PDE1A: variants seen among roughly 807,000 people sequenced by gnomAD.
The protein encoded by PDE1A is phosphodiesterase 1A.
A neutral mutation model predicts 61.7 loss-of-function variants in PDE1A; 35 were observed. That is an observed-to-expected ratio of 0.57 (90% CI 0.43 to 0.75). The LOEUF (loss-of-function observed/expected upper bound fraction) is 0.75, where lower values mean the gene tolerates loss of function less well. PDE1A is among the 30% of genes least tolerant of loss of function. The probability of loss-of-function intolerance (pLI) is 0.00; values close to 1 mark genes in which losing one functional copy is unlikely to be tolerated. For synonymous variants in PDE1A, 232 were observed against 213.2 expected (o/e 1.09, Z -0.77); for missense variants, 597 against 630.6 (o/e 0.95, Z 0.57).
the PDE1A span, among the ~76,000 whole-genome samples, chr2:182,704,210 G>GGA: frequency 1.8e-5 from 1 of 54,488 alleles, no homozygotes; most frequent in Admixed American, 2.4e-4. Flanking sequence ...CACTCCGTCT[G>GGA]GAAAAAAAAA....
At chr2:182,409,166 T>A (rs557810912) in intron 1 of PDE1A, among the ~76,000 whole-genome samples, 1 of 152,226 alleles carries the variant, frequency 6.6e-6, no homozygotes, top group South Asian at 2.1e-4. Context: ...TCCTTTTACA[T>A]GCTTTTCCTT....
In PDE1A at chr2:182,236,712, T is replaced by C. The variant is rs73046077; in HGVS notation, c.351-2214A>G. On this transcript the variant is annotated intron_variant, in intron 3 of 13. Transcript: ENST00000351439. ...ATTATTTTAACTGTTCTCATTACTTTGCAGCCAATATCATTGGTTCAAAAT... is the reference window on the plus strand; with the variant it reads ...ATTATTTTAACTGTTCTCATTACTTCGCAGCCAATATCATTGGTTCAAAAT... 7.0e-3 allele frequency among the ~76,000 whole-genome samples: 1,071 copies of C among 152,316 alleles called. 10 individuals are homozygous for C. Among genetic ancestry groups the C allele is most frequent in the African/African-American group, 0.024 (984 of 41,568 alleles).
At chr2:182,436,067 G>C (rs1345964525) in intron 2 of PDE1A, among the ~76,000 whole-genome samples, 1 of 152,018 alleles carries the variant, frequency 6.6e-6, no homozygotes, top group Non-Finnish European at 1.5e-5. Flanking sequence ...GTAAGGTTCT[G>C]TGTAAATAAT....
chr2:182,346,551 A>C (rs1022388483), intron 1 of PDE1A, among the ~76,000 whole-genome samples: 5 of 152,164 alleles, frequency 3.3e-5, no homozygotes, highest in African/African-American at 1.2e-4. Flanking sequence ...TAAAAGAATA[A>C]TACATGTAAT....
chr2:182,523,780 A>G (rs1427856926), upstream of PDE1A, among the ~76,000 whole-genome samples: 1 of 152,198 alleles, frequency 6.6e-6, no homozygotes, highest in African/African-American at 2.4e-5. Context: ...AAACAGAGAC[A>G]TTCTCCAGAT....
Position 182,459,085 on chromosome 2 carries a change from GT to G in PDE1A, c.101+63190del, listed in dbSNP as rs372241989. Among the ~76,000 whole-genome samples, 80 of 152,014 alleles carry G rather than the reference GT, an allele frequency of 5.3e-4. No individual in the cohort carries two copies. The East Asian group carries it at 9.1e-3, about 17-fold the overall frequency. On this transcript the variant is annotated intron_variant, in intron 2 of 14. Transcript: ENST00000410103. ...GTATTTTATGATTTTAATACATTTG[GT>G]TTATCACAATTTTTATTCATCTCTA... is the stretch of plus-strand genomic sequence containing the variant.
the PDE1A span, among the ~76,000 whole-genome samples, chr2:182,620,197 T>C: frequency 3.3e-5 from 5 of 152,302 alleles, no homozygotes; most frequent in Middle Eastern, 3.4e-3. Flanking sequence ...ATTTAATAAA[T>C]AACAATTAAT....
chr2:182,145,670 A>G (rs1690457843), downstream of PDE1A, among the ~76,000 whole-genome samples: 1 of 152,144 alleles, frequency 6.6e-6, no homozygotes, highest in Admixed American at 6.5e-5. Flanking sequence ...CAGAGGTTGC[A>G]GTGAGCTGAG....
chr2:182,426,654 T>G (rs113914360), exon 1 of PDE1A: 33 of 1,612,440 alleles, frequency 2.0e-5, no homozygotes, highest in Middle Eastern at 3.3e-4. Flanking sequence ...TTTAACTTCT[T>G]CCTGGAAACC....
the PDE1A span, among the ~76,000 whole-genome samples, chr2:182,679,005 C>CTTTT: frequency 1.0e-4 from 13 of 127,644 alleles, no homozygotes; most frequent in African/African-American, 2.6e-4. Context: ...TTTGGTTTCT[C>CTTTT]TTTTTTTTTT....
intron 1 of PDE1A, among the ~76,000 whole-genome samples, chr2:182,365,746 T>C (rs148314175): frequency 6.6e-6 from 1 of 152,138 alleles, no homozygotes; most frequent in Non-Finnish European, 1.5e-5. Flanking sequence ...CAGAATTCTT[T>C]TGATTGAACA....
chr2:182,422,229 G>A (rs938034920), intron 1 of PDE1A, among the ~76,000 whole-genome samples: 2 of 152,158 alleles, frequency 1.3e-5, no homozygotes, highest in Non-Finnish European at 2.9e-5. Context: ...CCACAAAAGT[G>A]ACCTAATCAC....
At chr2:182,455,925 A>AG (rs1203821897) in intron 2 of PDE1A, among the ~76,000 whole-genome samples, 1 of 113,334 alleles carries the variant, frequency 8.8e-6, no homozygotes, top group African/African-American at 3.5e-5. Context: ...ACAGGTTAAG[A>AG]GAAAAAAAAA....
At chr2:182,439,913 T>TA (rs753483486) in intron 2 of PDE1A, among the ~76,000 whole-genome samples, 11 of 152,136 alleles carry the variant, frequency 7.2e-5, no homozygotes, top group Non-Finnish European at 1.3e-4. Flanking sequence ...TGCCTTGATT[T>TA]AAAGTTTCTG....
chr2:182,156,411 C>A (rs539026656), intron 13 of PDE1A, among the ~76,000 whole-genome samples: 1 of 152,002 alleles, frequency 6.6e-6, no homozygotes, highest in Admixed American at 6.6e-5. Flanking sequence ...GCTTTCAACC[C>A]CAGAGCCATG....
At chr2:182,393,783 T>C (rs978287427) in intron 1 of PDE1A, among the ~76,000 whole-genome samples, 1 of 152,230 alleles carries the variant, frequency 6.6e-6, no homozygotes, top group Non-Finnish European at 1.5e-5. Context: ...AGGGGCAAAA[T>C]GCCATCAGTC....
chr2:182,555,551 G>T, the PDE1A span, among the ~76,000 whole-genome samples: 1 of 152,118 alleles, frequency 6.6e-6, no homozygotes, highest in African/African-American at 2.4e-5. Flanking sequence ...TCACATTTAA[G>T]AATATGTACT....
chr2:182,630,555 T>TA, the PDE1A span, among the ~76,000 whole-genome samples: 151 of 108,548 alleles, frequency 1.4e-3, no homozygotes, highest in South Asian at 0.011. Flanking sequence ...TCCTCTTTTT[T>TA]AAAAAAAAAA....
chr2:182,317,142 A>G (rs1696388330), intron 1 of PDE1A, among the ~76,000 whole-genome samples: 1 of 152,178 alleles, frequency 6.6e-6, no homozygotes, highest in Non-Finnish European at 1.5e-5. Context: ...TAGCACTCAC[A>G]TGCATTTATA....
Sources: allele counts gnomAD v4.1 joint callset (sites outside exome capture counted in the v4.1 genomes callset), GRCh38; gene constraint gnomAD v4.1.1; transcripts MANE v1.5; gene names NCBI Gene and HGNC (gene_info 2026-07-23, HGNC 2026-07-21).